Variants in KCNC2 observed in about 807,000 individuals in gnomAD.
KCNC2 encodes potassium voltage-gated channel subfamily C member 2.
In KCNC2, 21 loss-of-function variants were observed where a neutral mutation model predicts 44.5. The observed-to-expected ratio is 0.47, with a 90% confidence interval of 0.33 to 0.68. KCNC2 has a LOEUF of 0.68. Ranked by LOEUF, KCNC2 falls within the 30% of genes least tolerant of loss-of-function variation. KCNC2 has a pLI of 0.01. For missense variants in KCNC2, 589 were observed against 826.2 expected (o/e 0.71, Z 3.52); for synonymous variants, 391 against 339.1 (o/e 1.15, Z -1.68).
At chr12:75,070,288 A>G (rs1883265620) in intron 2 of KCNC2, among the ~76,000 whole-genome samples, 1 of 151,390 alleles carries the variant, frequency 6.6e-6, no homozygotes, top group Non-Finnish European at 1.5e-5. Context: ...CATCTCTACT[A>G]AAAATACAAA....
At chr12:75,053,807 A>G (rs1881447905) in intron 2 of KCNC2, among the ~76,000 whole-genome samples, 1 of 147,894 alleles carries the variant, frequency 6.8e-6, no homozygotes, top group Admixed American at 6.8e-5. Context: ...ATATATAAAT[A>G]TATATAGTAA....
At chr12:75,062,483 G>T (rs1042349865) in intron 2 of KCNC2, among the ~76,000 whole-genome samples, 4 of 151,840 alleles carry the variant, frequency 2.6e-5, no homozygotes, top group Non-Finnish European at 5.9e-5. Flanking sequence ...ACATCCAAAT[G>T]CTGGTTCTAC....
rs558205997 is a variant in KCNC2 at position 75,153,080 on chromosome 12, T to C, written c.687+54217A>G. Among the ~76,000 whole-genome samples the C allele has an allele frequency of 3.3e-5, 5 of 152,148 alleles. No homozygotes were observed. The South Asian group carries it at 1.0e-3, about 32-fold the overall frequency. On this transcript the variant is annotated intron_variant, in intron 2 of 4. Transcript: ENST00000549446. ...GAAGTAAATTCAGAGAAAAAAATAC[T>C]GTATTACTTAGTTAACTTAAAGTCC... is the stretch of plus-strand genomic sequence containing the variant.
intron 2 of KCNC2, among the ~76,000 whole-genome samples, chr12:75,077,509 C>G (rs1490818007): frequency 3.9e-5 from 6 of 152,120 alleles, no homozygotes; most frequent in East Asian, 1.9e-4. Flanking sequence ...GGTAAAGTAT[C>G]TGATACAAAT....
intron 2 of KCNC2, among the ~76,000 whole-genome samples, chr12:75,138,702 TG>T (rs1889404406): frequency 1.3e-5 from 2 of 152,112 alleles, no homozygotes; most frequent in South Asian, 4.1e-4. Context: ...GATTCCGGGC[TG>T]GGCGCGGTGG....
Position 75,040,889 on chromosome 12 carries a change from T to C in KCNC2, c.*2216A>G, listed in dbSNP as rs1879820780. 1.9e-6 allele frequency: 1 copy of C among 530,886 alleles called. No individual in the cohort carries two copies. The allele number at this position is 530,886 out of a possible 1,614,324, so 32.9% of individuals were successfully genotyped here. A position where few individuals can be genotyped will look rare whatever the true frequency, so the allele number is the denominator to read the frequency against. Reference sequence around the variant, plus strand: ...CTTGAAACTTCAGAGATGTTGATCATGAATTTGGCTTCTTTTGATGAGAAA... The same window carrying C: ...CTTGAAACTTCAGAGATGTTGATCACGAATTTGGCTTCTTTTGATGAGAAA... On this transcript the variant is annotated 3_prime_UTR_variant, in exon 5 of 5. Coordinates refer to ENST00000549446, the MANE Select transcript of KCNC2 (RefSeq NM_139137.4).
At chr12:75,180,136 T>C (rs914062419) in intron 2 of KCNC2, among the ~76,000 whole-genome samples, 1 of 151,964 alleles carries the variant, frequency 6.6e-6, no homozygotes, top group Non-Finnish European at 1.5e-5. Context: ...GCTCAATGTT[T>C]TGTATGTTAA....
intron 2 of KCNC2, among the ~76,000 whole-genome samples, chr12:75,196,429 C>T (rs1374715970): frequency 1.3e-5 from 2 of 152,040 alleles, no homozygotes; most frequent in Admixed American, 1.3e-4. Context: ...ACTATAAACG[C>T]CTCACCTCCA....
At chr12:75,105,563 A>G (rs1268931110) in intron 2 of KCNC2, among the ~76,000 whole-genome samples, 1 of 152,208 alleles carries the variant, frequency 6.6e-6, no homozygotes, top group Non-Finnish European at 1.5e-5. Context: ...TGGTGAAATG[A>G]TATGGGCTTG....
At chr12:75,097,791 A>G (rs1292485521) in intron 2 of KCNC2, among the ~76,000 whole-genome samples, 2 of 152,112 alleles carry the variant, frequency 1.3e-5, no homozygotes, top group African/African-American at 4.8e-5. Context: ...GACTTTGGGA[A>G]AAAAAATTAA....
intron 2 of KCNC2, among the ~76,000 whole-genome samples, chr12:75,117,937 T>G (rs550719033): frequency 6.6e-6 from 1 of 152,270 alleles, no homozygotes; most frequent in East Asian, 1.9e-4. Flanking sequence ...CCCCTGGAGT[T>G]GTACAACTCA....
chr12:75,176,464 A>T (rs1892189950), intron 2 of KCNC2, among the ~76,000 whole-genome samples: 1 of 151,890 alleles, frequency 6.6e-6, no homozygotes, highest in African/African-American at 2.4e-5. Flanking sequence ...GCCCTGTAAG[A>T]TCTAGTGCCC....
intron 2 of KCNC2, among the ~76,000 whole-genome samples, chr12:75,132,938 C>T (rs992322799): frequency 3.3e-5 from 5 of 152,050 alleles, no homozygotes; most frequent in Non-Finnish European, 7.4e-5. Context: ...TCCTTACTGA[C>T]TACCTCTCAT....
chr12:75,053,948 C>A (rs1040605984), intron 2 of KCNC2, among the ~76,000 whole-genome samples: 3 of 151,474 alleles, frequency 2.0e-5, no homozygotes, highest in African/African-American at 7.3e-5. Flanking sequence ...AGAGGCCAGG[C>A]GCGGTGACTC....
intron 2 of KCNC2, among the ~76,000 whole-genome samples, chr12:75,135,328 G>A (rs1431830304): frequency 6.6e-6 from 1 of 151,920 alleles, no homozygotes. Context: ...AATGATGGTA[G>A]TTAAATTAAT....
intron 2 of KCNC2, among the ~76,000 whole-genome samples, chr12:75,057,456 T>C (rs1881868361): frequency 1.3e-5 from 2 of 152,032 alleles, no homozygotes; most frequent in Admixed American, 1.3e-4. Context: ...CTGAGGCTGT[T>C]GATAAAATCA....
At chr12:75,180,808 CCTT>C (rs2137641393) in intron 2 of KCNC2, among the ~76,000 whole-genome samples, 2 of 152,016 alleles carry the variant, frequency 1.3e-5, no homozygotes, top group South Asian at 4.2e-4. Flanking sequence ...TTAAAGTTAT[CCTT>C]CTTTGATATT....
At chr12:75,152,671 G>A (rs926725665) in intron 2 of KCNC2, among the ~76,000 whole-genome samples, 1 of 151,928 alleles carries the variant, frequency 6.6e-6, no homozygotes, top group Non-Finnish European at 1.5e-5. Context: ...ATGACTAATC[G>A]TATGTTCATT....
intron 2 of KCNC2, among the ~76,000 whole-genome samples, chr12:75,077,373 T>C (rs1884090459): frequency 6.6e-6 from 1 of 152,198 alleles, no homozygotes; most frequent in Non-Finnish European, 1.5e-5. Flanking sequence ...GAATGACTCA[T>C]ACAATAATTA....
Sources: gnomAD v4.1 joint callset for allele counts (sites outside exome capture counted in the v4.1 genomes callset) on GRCh38, gnomAD v4.1.1 for gene constraint, MANE v1.5 for transcripts, NCBI Gene and HGNC (gene_info 2026-07-23, HGNC 2026-07-21) for gene names.